The following ADGRB3 variants were observed in gnomAD, a reference collection of about 807,000 sequenced individuals.
ADGRB3 encodes the protein brain-specific angiogenesis inhibitor 3.
ADGRB3 carries 37 observed loss-of-function variants against 193.4 expected under a neutral mutation model. That is an observed-to-expected ratio of 0.19 (90% confidence interval 0.15 to 0.25). The LOEUF is 0.25. ADGRB3 is among the 10% of genes least tolerant of loss of function. The probability of loss-of-function intolerance (pLI) is 1.00; values close to 1 mark genes in which losing one functional copy is unlikely to be tolerated. For missense variants in ADGRB3, 1,637 were observed against 1,852.9 expected (o/e 0.88, Z 2.14); for synonymous variants, 690 against 644.2 (o/e 1.07, Z -1.08).
At chr6:69,137,571 G>A (rs1774189613) in intron 17 of ADGRB3, among the ~76,000 whole-genome samples, 2 of 152,078 alleles carry the variant, frequency 1.3e-5, no homozygotes, top group Admixed American at 1.3e-4. Flanking sequence ...AGCTTAGGTG[G>A]GCAGATCACA....
At chr6:69,348,659 CAA>C (rs762760448) in intron 26 of ADGRB3, among the ~76,000 whole-genome samples, 2 of 131,318 alleles carry the variant, frequency 1.5e-5, no homozygotes, top group Admixed American at 7.7e-5. Flanking sequence ...AAGACTCTGC[CAA>C]AAAAAAAAAA....
intron 11 of ADGRB3, among the ~76,000 whole-genome samples, chr6:69,010,728 A>G (rs1769906054): frequency 6.6e-6 from 1 of 151,396 alleles, no homozygotes; most frequent in Non-Finnish European, 1.5e-5. Flanking sequence ...TGCCAAGGAC[A>G]CTCAATTTTT....
In ADGRB3 at chr6:68,990,765, G is replaced by C. The variant is rs189316193; in HGVS notation, c.1735-3003G>C. On this transcript the variant is annotated intron_variant, in intron 10 of 31. Transcript: ENST00000370598. ...AAATCCCTCACAGGCACAGGTATGG[G>C]TTGCCAAAATAATAGAGAAAGGGCT... Among the ~76,000 whole-genome samples the C allele has an allele frequency of 5.3e-5, 8 of 152,238 alleles. No individual in the cohort carries two copies. The East Asian group carries it at 1.5e-3, about 29-fold the overall frequency.
intron 3 of ADGRB3, among the ~76,000 whole-genome samples, chr6:68,897,862 A>T (rs1205854871): frequency 8.9e-6 from 1 of 112,596 alleles, no homozygotes; most frequent in Non-Finnish European, 2.1e-5. Context: ...AAAACAAAAG[A>T]AAAAAGAAAG....
At chr6:69,043,290 G>GAGAGAAAGAAAAGAAAGAAAGAA (rs1554252049) in intron 13 of ADGRB3, among the ~76,000 whole-genome samples, 2 of 88,032 alleles carry the variant, frequency 2.3e-5, no homozygotes, top group East Asian at 5.5e-4. Context: ...GGAAGAAAGA[G>GAGAGAAAGAAAAGAAAGAAAGAA]AGAAAGAAAG....
rs1221157827 is a variant in ADGRB3, at chr6:69,388,883, G to A, written c.4561G>A (p.Glu1521Lys). The A allele has an allele frequency of 3.1e-6, 5 of 1,609,676 alleles. No individual in the cohort carries two copies. Among genetic ancestry groups the A allele is most frequent in the Non-Finnish European group, 4.2e-6 (5 of 1,178,382 alleles). ...LDVQEGDFQT[E>K]V Reference sequence around the variant, plus strand: ...TGTGCAAGAGGGTGACTTTCAAACAGAAGTTTAAAAAAATCAAAATGGACT... The same window carrying A: ...TGTGCAAGAGGGTGACTTTCAAACAAAAGTTTAAAAAAATCAAAATGGACT... Residue 1521 changes from glutamate to lysine, a missense_variant, in exon 32 of 32, where the codon GAA becomes AAA. This residue lies in a region of ADGRB3 where 368 missense variants were observed against 367.4 expected (regional missense o/e 1.00). Transcript: ENST00000370598.
chr6:68,840,763 A>G (rs931886387), intron 3 of ADGRB3, among the ~76,000 whole-genome samples: 4 of 152,198 alleles, frequency 2.6e-5, no homozygotes, highest in Non-Finnish European at 5.9e-5. Flanking sequence ...ATGAATAATA[A>G]CATTGAATGT....
intron 20 of ADGRB3, among the ~76,000 whole-genome samples, chr6:69,282,671 C>A (rs968679792): frequency 6.6e-5 from 10 of 151,978 alleles, no homozygotes; most frequent in Non-Finnish European, 1.0e-4. Flanking sequence ...TTAAGCTAAC[C>A]AATATTTATT....
intron 17 of ADGRB3, among the ~76,000 whole-genome samples, chr6:69,121,817 C>T (rs1485538013): frequency 1.5e-4 from 21 of 136,072 alleles, no homozygotes; most frequent in East Asian, 4.5e-4. Flanking sequence ...ACATCCCAGA[C>T]AATGGGCGGC....
rs574132508 is a variant in ADGRB3, at chr6:69,152,945, AT to A, written c.2480+76908del. On this transcript the variant is annotated intron_variant, in intron 17 of 31. Coordinates refer to ENST00000370598, the MANE Select transcript of ADGRB3 (RefSeq NM_001704.3). ...ACTGCATTGATGTACTCAGTTTATG[AT>A]CTCACTTATTTTCTAGTAACTGTTT... Among the ~76,000 whole-genome samples the A allele has an allele frequency of 1.5e-3, 233 of 152,318 alleles. 3 individuals carry two copies. Among genetic ancestry groups the A allele is most frequent in the African/African-American group, 5.2e-3 (216 of 41,562 alleles).
rs546187933 is a variant in ADGRB3 at position 68,810,723 on chromosome 6, T to C, written c.758-119836T>C. Among the ~76,000 whole-genome samples the C allele has an allele frequency of 1.0e-3, 156 of 151,992 alleles. 1 individual carries two copies. The highest frequency in any genetic ancestry group is 3.6e-3 in the African/African-American group (150 of 41,442). The stretch of plus-strand genomic sequence containing the variant: ...CAATGAGGTTAAAAGTAAATAAAAA[T>C]GAAAAAGCATAATTAGAAAAATAAT... On this transcript the variant is annotated intron_variant, in intron 3 of 31. Transcript: ENST00000370598.
chr6:68,808,173 A>G (rs1293432531), intron 3 of ADGRB3, among the ~76,000 whole-genome samples: 1 of 152,024 alleles, frequency 6.6e-6, no homozygotes, highest in Non-Finnish European at 1.5e-5. Context: ...TCCTTTTTTT[A>G]TTTTACAATA....
chr6:69,254,616 T>C (rs1008564116), intron 20 of ADGRB3, among the ~76,000 whole-genome samples: 3 of 152,126 alleles, frequency 2.0e-5, no homozygotes, highest in African/African-American at 7.2e-5. Context: ...CTATAAATCT[T>C]CCAATTATGT....
Position 68,814,351 on chromosome 6 carries a change from T to C in ADGRB3, c.758-116208T>C, listed in dbSNP as rs560873832. Among the ~76,000 whole-genome samples, 256 of 152,340 alleles carry C rather than the reference T, an allele frequency of 1.7e-3. 1 individual carries two copies. Among genetic ancestry groups the C allele is most frequent in the African/African-American group, 5.7e-3 (235 of 41,578 alleles). ...CATGTGTCTTTTGGCTGCATAAATG[T>C]CTTCTTTTGAGAAGTGTCTGTTCAT... On this transcript the variant is annotated intron_variant, in intron 3 of 31. Transcript: ENST00000370598.
chr6:69,161,983 T>C (rs1009207410), intron 17 of ADGRB3, among the ~76,000 whole-genome samples: 1 of 152,122 alleles, frequency 6.6e-6, no homozygotes, highest in Non-Finnish European at 1.5e-5. Context: ...CTATTATATC[T>C]GTCACATTCT....
intron 17 of ADGRB3, among the ~76,000 whole-genome samples, chr6:69,137,853 G>T (rs1453378059): frequency 6.6e-6 from 1 of 152,118 alleles, no homozygotes; most frequent in Non-Finnish European, 1.5e-5. Flanking sequence ...AAACACAATA[G>T]ATACCTTTCT....
At chr6:68,817,307 G>GTATA (rs60723627) in intron 3 of ADGRB3, among the ~76,000 whole-genome samples, 16 of 44,164 alleles carry the variant, frequency 3.6e-4, no homozygotes, top group South Asian at 2.2e-3. Flanking sequence ...TTTTGTCCAT[G>GTATA]TATATATATA....
At chr6:68,823,639 T>C (rs897299460) in intron 3 of ADGRB3, among the ~76,000 whole-genome samples, 8 of 152,100 alleles carry the variant, frequency 5.3e-5, no homozygotes, top group African/African-American at 1.9e-4. Context: ...ATCAAGTCAG[T>C]GACTAACAAT....
chr6:68,642,840 C>T (rs929681846), intron 3 of ADGRB3, among the ~76,000 whole-genome samples: 11 of 150,722 alleles, frequency 7.3e-5, no homozygotes, highest in African/African-American at 2.2e-4. Context: ...TATGGTTTAC[C>T]AGTTTTTAGG....
Sources: gnomAD v4.1 joint callset for allele counts (sites outside exome capture counted in the v4.1 genomes callset) on GRCh38, gnomAD v4.1.1 for gene constraint, gnomAD v4.1.1 regional missense constraint, MANE v1.5 for transcripts, NCBI Gene and HGNC (gene_info 2026-07-23, HGNC 2026-07-21) for gene names.